MACROH2A1: variants seen among roughly 807,000 people sequenced by gnomAD.
MACROH2A1 encodes the protein core histone macro-H2A.1.
A neutral mutation model predicts 31.6 loss-of-function variants in MACROH2A1; 2 were observed. That is an observed-to-expected ratio of 0.06 (90% CI 0.03 to 0.20). The LOEUF is 0.20. MACROH2A1 is among the 10% of genes least tolerant of loss of function. The probability of loss-of-function intolerance (pLI) is 1.00; values close to 1 mark genes in which losing one functional copy is unlikely to be tolerated. For synonymous variants in MACROH2A1, 169 were observed against 189.6 expected, an observed-to-expected ratio of 0.89 and a Z score of 0.89; for missense variants, 230 against 474.0, an observed-to-expected ratio of 0.49 and a Z score of 4.78.
chr5:135,390,848 G>C (rs528022289), intron 1 of MACROH2A1, among the ~76,000 whole-genome samples: 1 of 152,326 alleles, frequency 6.6e-6, no homozygotes, highest in South Asian at 2.1e-4. Context: ...CACAGAGATG[G>C]CTGTGAGGAC....
chr5:135,350,809 C>T (rs1183280872), intron 6 of MACROH2A1: 5 of 1,565,142 alleles, frequency 3.2e-6, no homozygotes, highest in East Asian at 2.2e-5. Flanking sequence ...CGGCAGCACC[C>T]GGCTAGGCAT....
In MACROH2A1 at chr5:135,369,433, T is replaced by A. The variant is rs747760575; in HGVS notation, c.450A>T (p.Gly150=). 1.2e-6 allele frequency: 2 copies of A among 1,614,152 alleles called. No homozygotes were observed. The highest frequency in any genetic ancestry group is 1.1e-5 in the South Asian group (1 of 91,082). The change falls in exon 4 of 9, where the codon GGA becomes GGT. Residue 150 remains glycine, a synonymous_variant. Coordinates refer to ENST00000511689, the MANE Select transcript of MACROH2A1 (RefSeq NM_138610.3). This position sits in a 1 kb window ranked among gnomAD's most constrained non-coding sequence, Gnocchi z 4.3. Reference sequence around the variant, plus strand: ...TGGATTTCCGGGCCCCTTTCTTGCCTCCTGCTTTTTTAGATACAGGCTTCT... The same window carrying A: ...TGGATTTCCGGGCCCCTTTCTTGCCACCTGCTTTTTTAGATACAGGCTTCT... ...SQKKPVSKKA[G]GKKGARKSKK... is the part of the protein sequence containing the mutation.
chr5:135,392,863 G>C lies in MACROH2A1; in HGVS notation c.-33-3737C>G, dbSNP rs185318116. 3.3e-5 allele frequency among the ~76,000 whole-genome samples: 5 copies of C among 152,338 alleles called. 1 individual carries two copies. Among genetic ancestry groups the C allele is most frequent in the African/African-American group, 1.2e-4 (5 of 41,570 alleles). Reference sequence around the variant, plus strand: ...AACCTATTTTCTTATCTTTCAAGTGGAGATGATGCTAGTAAGGGCCTCAAA... The same window carrying C: ...AACCTATTTTCTTATCTTTCAAGTGCAGATGATGCTAGTAAGGGCCTCAAA... On this transcript the variant is annotated intron_variant, in intron 1 of 8. Coordinates refer to ENST00000511689, the MANE Select transcript of MACROH2A1 (RefSeq NM_138610.3).
intron 4 of MACROH2A1, among the ~76,000 whole-genome samples, chr5:135,367,877 G>A (rs558261382): frequency 1.3e-5 from 2 of 152,182 alleles, no homozygotes; most frequent in African/African-American, 2.4e-5. Context: ...TCCCTTCCCC[G>A]CCCTCCTCCC....
rs2149733644 is a variant in MACROH2A1, at chr5:135,343,269, C to T, written c.944G>A (p.Gly315Asp). ...KLKSIAFPSI[G>D]SGRNGFPKQT... The stretch of plus-strand genomic sequence containing the variant: ...AAGCATGTGCCCCTACCTGCCGCTG[C>T]CGATGGATGGAAATGCAATGGATTT... The change falls in exon 8 of 9, where the codon GGC (glycine) becomes GAC (aspartate). Residue 315 changes from glycine to aspartate, a missense_variant. By Grantham distance (94) the Gly-to-Asp change is moderately conservative (BLOSUM62 -1). This residue lies in a region of MACROH2A1 where 183 missense variants were observed against 319.3 expected (regional missense o/e 0.57). Coordinates refer to ENST00000511689, the MANE Select transcript of MACROH2A1 (RefSeq NM_138610.3). 6.2e-7 allele frequency: 1 copy of T among 1,614,098 alleles called. No individual in the cohort carries two copies.
intron 2 of MACROH2A1, among the ~76,000 whole-genome samples, chr5:135,380,963 G>C (rs1413534228): frequency 6.6e-6 from 1 of 152,106 alleles, no homozygotes; most frequent in Non-Finnish European, 1.5e-5. Flanking sequence ...ACTTATTAGA[G>C]AAAAGAAGTT....
intron 8 of MACROH2A1, 38 bp from the exon 9 acceptor site, chr5:135,335,179 C>A: frequency 1.3e-6 from 2 of 1,563,242 alleles, no homozygotes; most frequent in Non-Finnish European, 1.8e-6. Context: ...AACTGGGATG[C>A]CACGGGGGCT....
At chr5:135,394,035 G>C (rs531916463) in intron 1 of MACROH2A1, among the ~76,000 whole-genome samples, 1 of 152,122 alleles carries the variant, frequency 6.6e-6, no homozygotes, top group Non-Finnish European at 1.5e-5. Flanking sequence ...TAATTAGAAG[G>C]CTGGCTATGT....
At chr5:135,390,364 A>C (rs1197695837) in intron 1 of MACROH2A1, among the ~76,000 whole-genome samples, 1 of 152,226 alleles carries the variant, frequency 6.6e-6, no homozygotes, top group African/African-American at 2.4e-5. Context: ...GCACCATCCA[A>C]GGTCTCGAAT....
At chr5:135,349,788 A>G (rs961850556) in intron 6 of MACROH2A1, among the ~76,000 whole-genome samples, 1 of 152,196 alleles carries the variant, frequency 6.6e-6, no homozygotes, top group African/African-American at 2.4e-5. Context: ...ATATATACAC[A>G]TGAGTGATAC....
At chr5:135,358,944 CCCCCT>C in intron 5 of MACROH2A1, 1 of 985,380 alleles carries the variant, frequency 1.0e-6, no homozygotes, top group Non-Finnish European at 1.2e-6. Flanking sequence ...GTGGTGTTTG[CCCCCT>C]CCCCTCCAGG....
intron 2 of MACROH2A1, among the ~76,000 whole-genome samples, chr5:135,379,176 C>G (rs144538954): frequency 1.3e-5 from 2 of 152,286 alleles, no homozygotes; most frequent in East Asian, 3.9e-4. Flanking sequence ...CTGCAGGGAA[C>G]GCGCCTTCTA....
chr5:135,382,817 G>A (rs1254322034), intron 2 of MACROH2A1, among the ~76,000 whole-genome samples: 1 of 152,208 alleles, frequency 6.6e-6, no homozygotes, highest in African/African-American at 2.4e-5. Flanking sequence ...AGAGGAAAAT[G>A]GGCCCATTGC....
chr5:135,359,520 C>T (rs1762575224), intron 5 of MACROH2A1: 1 of 984,774 alleles, frequency 1.0e-6, no homozygotes, highest in Non-Finnish European at 1.2e-6. Flanking sequence ...TTCTGGAACA[C>T]AGAGTCCACC....
chr5:135,389,374 T>A (rs1766886466), intron 1 of MACROH2A1: 2 of 298,184 alleles, frequency 6.7e-6, no homozygotes, highest in African/African-American at 4.3e-5. Context: ...TTATGCCACA[T>A]GATGAAAAAG....
At position 135,386,983 on chromosome 5, in the gene MACROH2A1, C is replaced by T. The variant is rs530998371; in HGVS notation, c.172+1939G>A. ...CCATTATGTGCACAGCACCTTTGGC[C>T]TTCACAGCAGCCTGGAGTTGGAGTA... On this transcript the variant is annotated intron_variant, in intron 2 of 8. Transcript: ENST00000511689. Among the ~76,000 whole-genome samples, 4 of 152,306 alleles carry T rather than the reference C, an allele frequency of 2.6e-5. No homozygotes were observed. In the South Asian group the frequency reaches 8.3e-4, roughly 32 times the overall value.
chr5:135,338,629 G>C (rs986796230), intron 8 of MACROH2A1, among the ~76,000 whole-genome samples: 1 of 152,240 alleles, frequency 6.6e-6, no homozygotes, highest in African/African-American at 2.4e-5. Flanking sequence ...CCCCAGTGCA[G>C]TACTGACTGC....
intron 8 of MACROH2A1, among the ~76,000 whole-genome samples, chr5:135,341,870 T>C (rs889672546): frequency 2.6e-5 from 4 of 152,222 alleles, no homozygotes; most frequent in African/African-American, 9.6e-5. Context: ...TGCAGTGTCA[T>C]AGGCAGTTGA....
rs573558377 is a variant in MACROH2A1 at position 135,351,653 on chromosome 5, C to G, written c.688+1293G>C. ...TCATAGCTCACTGCAGCTTCGAACT[C>G]CTGGGCTCAAGCAATCCTCCTGCCT... On this transcript the variant is annotated intron_variant, in intron 6 of 8. Transcript: ENST00000511689. 61 of 139,832 alleles carry G rather than the reference C, an allele frequency of 4.4e-4. 1 individual carries two copies. Among genetic ancestry groups the G allele is most frequent in the African/African-American group, 1.6e-3 (60 of 38,078 alleles). 8.7% of individuals were successfully genotyped at this position (139,832 alleles called of 1,614,324 possible). A position where few individuals can be genotyped will look rare whatever the true frequency, so the allele number is the denominator to read the frequency against.
Sources: allele counts gnomAD v4.1 joint callset (sites outside exome capture counted in the v4.1 genomes callset), GRCh38; gene constraint gnomAD v4.1.1; regional missense constraint gnomAD v4.1.1; non-coding constraint Gnocchi (gnomAD v3.1); transcripts MANE v1.5; gene names NCBI Gene and HGNC (gene_info 2026-07-23, HGNC 2026-07-21).